The following ESYT1 variants were observed in gnomAD, a reference collection of about 807,000 sequenced individuals.
ESYT1 encodes extended synaptotagmin 1.
A neutral mutation model predicts 154.2 loss-of-function variants in ESYT1; 116 were observed. The ratio of observed to expected loss-of-function variants is 0.75; its 90% CI spans 0.65 to 0.88. The LOEUF (loss-of-function observed/expected upper bound fraction) is 0.88. Ranked by LOEUF, ESYT1 falls within the 40% of genes least tolerant of loss-of-function variation. The pLI is 0.00. For missense variants in ESYT1, 1,264 were observed against 1,379.3 expected, an observed-to-expected ratio of 0.92 and a Z score of 1.32; for synonymous variants, 500 against 539.9, an observed-to-expected ratio of 0.93 and a Z score of 1.02.
rs888119018 is a variant in ESYT1, at chr12:56,144,002, T to G, written c.*140T>G. On this transcript the variant is annotated 3_prime_UTR_variant, in exon 31 of 31. Coordinates refer to ENST00000394048, the MANE Select transcript of ESYT1 (RefSeq NM_015292.3). Reference sequence around the variant, plus strand: ...GCCCTTTCACCTAACAGGCCCATATTCGGGCCTTTGCCTGACCAAAGAGAA... The same window carrying G: ...GCCCTTTCACCTAACAGGCCCATATGCGGGCCTTTGCCTGACCAAAGAGAA... The G allele has an allele frequency of 6.5e-7, 1 of 1,545,010 alleles. No homozygotes were observed. The highest frequency in any genetic ancestry group is 8.7e-7 in the Non-Finnish European group (1 of 1,151,678).
chr12:56,130,403 ACAT>A (rs1168680949), intron 1 of ESYT1, 176 bp from the exon 2 acceptor site: 4 of 692,342 alleles, frequency 5.8e-6, no homozygotes, highest in South Asian at 4.9e-5. Flanking sequence ...TATTAGAGAG[ACAT>A]CAGCCCCCAA....
intron 22 of ESYT1, 50 bp from the exon 23 acceptor site, chr12:56,138,718 T>A: frequency 6.5e-7 from 1 of 1,544,252 alleles, no homozygotes; most frequent in Non-Finnish European, 9.0e-7. Context: ...GTGAGGGGGA[T>A]CTGCCTAACT....
At position 56,128,647 on chromosome 12, in the gene ESYT1, G is replaced by A. The variant is rs750361548; in HGVS notation, c.328G>A (p.Asp110Asn). The part of the protein sequence containing the change: ...RSLRAARQLL[D>N]DEEQLTAKTL... ...CCTTCGAGCAGCGAGGCAGCTACTG[G>A]ACGACGAGGAGCAGCTCACTGCGAA... The change falls in exon 1 of 31, where the codon GAC becomes AAC. Residue 110 changes from aspartate to asparagine, a missense_variant. Asp to Asn is a conservative substitution (Grantham distance 23, BLOSUM62 1). Coordinates refer to ENST00000394048, the MANE Select transcript of ESYT1 (RefSeq NM_015292.3). 2.5e-6 allele frequency: 4 copies of A among 1,614,210 alleles called. No homozygotes were observed. The highest frequency in any genetic ancestry group is 2.2e-5 in the East Asian group (1 of 44,888).
chr12:56,136,782 G>A lies in ESYT1; in HGVS notation c.1671G>A (p.Leu557=). 2 of 1,612,780 alleles carry A rather than the reference G, an allele frequency of 1.2e-6. No individual in the cohort carries two copies. Among genetic ancestry groups the A allele is most frequent in the South Asian group, 1.1e-5 (1 of 90,996 alleles). ...CCAGGGCCCTGACTTTAGGAGCACT[G>A]ACGCTGCCTCTGGCCCGCCTGCTGA... ...DDSRALTLGA[L]TLPLARLLTA... The change falls in exon 16 of 31, where the codon CTG becomes CTA. Residue 557 remains leucine, a synonymous_variant. Coordinates refer to ENST00000394048, the MANE Select transcript of ESYT1 (RefSeq NM_015292.3).
Position 56,143,303 on chromosome 12 carries a change from C to T in ESYT1, c.3195C>T (p.Phe1065=). Residue 1065 remains phenylalanine (F), a synonymous_variant, in exon 29 of 31, where the codon TTC becomes TTT. Transcript: ENST00000394048. The part of the protein sequence containing the change: ...LDVSVKSNSS[F]MSRERELLGK... ...TCTCTGTCAAGTCTAATTCCTCCTT[C>T]ATGTCAAGAGAGCGTGAGCTGCTGG... is the stretch of plus-strand genomic sequence containing the variant. 1 of 1,614,106 alleles carries T rather than the reference C, an allele frequency of 6.2e-7. No homozygotes were observed. The highest frequency in any genetic ancestry group is 8.5e-7 in the Non-Finnish European group (1 of 1,180,026).
chr12:56,134,958 T>G (rs1870390447), intron 15 of ESYT1, among the ~76,000 whole-genome samples: 1 of 152,112 alleles, frequency 6.6e-6, no homozygotes, highest in Non-Finnish European at 1.5e-5. Context: ...TCTATGAAAC[T>G]GGCCAGTAAG....
Position 56,133,882 on chromosome 12 carries a change from G to C in ESYT1, c.1473+9G>C, listed in dbSNP as rs1232088032. 11 of 1,613,594 alleles carry C rather than the reference G, an allele frequency of 6.8e-6. No homozygotes were observed. Among genetic ancestry groups the C allele is most frequent in the Non-Finnish European group, 9.3e-6 (11 of 1,179,736 alleles). On this transcript the variant is annotated intron_variant, in intron 13 of 30. Transcript: ENST00000394048. ...GGGCCCAGGATCTTCCTGTGAGTTT[G>C]GCTGGGTGAACAGGAGCCCTGGATG...
In ESYT1 at chr12:56,134,003, G is replaced by A; in HGVS notation, c.1474-107G>A. Reference sequence around the variant, plus strand: ...TGTAACATAAGGGTCCCAGGGAGGGGATCAGATCCATCTCAGGGAAAGGAT... The same window carrying A: ...TGTAACATAAGGGTCCCAGGGAGGGAATCAGATCCATCTCAGGGAAAGGAT... On this transcript the variant is annotated intron_variant, in intron 13 of 30. Transcript: ENST00000394048. 2.0e-6 allele frequency: 3 copies of A among 1,534,378 alleles called. No individual in the cohort carries two copies. In the South Asian group the frequency reaches 3.4e-5, roughly 17 times the overall value.
In ESYT1 at chr12:56,132,265, A is replaced by G. The variant is rs767880698; in HGVS notation, c.917A>G (p.Asn306Ser). 80 of 1,613,954 alleles carry G rather than the reference A, an allele frequency of 5.0e-5. No individual in the cohort carries two copies. The highest frequency in any genetic ancestry group is 5.8e-5 in the Non-Finnish European group (68 of 1,180,018). ...DSIAAFLVLP[N>S]RLLVPLVPDL... The stretch of plus-strand genomic sequence containing the variant: ...ATTGCTGCCTTCCTCGTGTTGCCCA[A>G]CCGATTACTGGTGCCCCTTGTGCCT... Residue 306 changes from asparagine to serine, a missense_variant, in exon 8 of 31, where the codon AAC (asparagine) becomes AGC (serine). By Grantham distance (46) the Asn-to-Ser change is conservative. Transcript: ENST00000394048.
At position 56,132,781 on chromosome 12, in the gene ESYT1, T is replaced by C. The variant is rs775822144; in HGVS notation, c.1224T>C (p.Asp408=). 1.2e-6 allele frequency: 2 copies of C among 1,614,122 alleles called. No individual in the cohort carries two copies. The highest frequency in any genetic ancestry group is 2.2e-5 in the South Asian group (2 of 91,076). ...TGGAGGTGTTCGACAAGGATCCAGA[T>C]AAAGATGACTTTCTGGGCAGGTGAG... ...IEVEVFDKDP[D]KDDFLGRMKL... The change falls in exon 10 of 31, where the codon GAT becomes GAC. Residue 408 remains aspartate (D), a synonymous_variant. Transcript: ENST00000394048.
intron 24 of ESYT1, among the ~76,000 whole-genome samples, chr12:56,139,463 A>G (rs1215759718): frequency 6.6e-6 from 1 of 151,846 alleles, no homozygotes; most frequent in African/African-American, 2.4e-5. Flanking sequence ...TTGGGAGAAA[A>G]ATAACCAGAT....
intron 1 of ESYT1, chr12:56,130,323 G>C (rs1231849897): frequency 5.3e-6 from 3 of 564,642 alleles, no homozygotes; most frequent in Admixed American, 6.0e-5. Context: ...TCTCTCAGCA[G>C]CTGTCATTTC....
intron 3 of ESYT1, 29 bp downstream of exon 3, chr12:56,130,954 G>GT: frequency 6.2e-7 from 1 of 1,614,168 alleles, no homozygotes; most frequent in Non-Finnish European, 8.5e-7. Context: ...AAGTGAGGAG[G>GT]TAGGCTAGGG....
intron 11 of ESYT1, 53 bp from the exon 12 acceptor site, chr12:56,133,535 A>G (rs1592245549): frequency 6.2e-7 from 1 of 1,613,150 alleles, no homozygotes; most frequent in East Asian, 2.2e-5. Context: ...CTACATTGGT[A>G]GGGAAGTAGT....
At chr12:56,136,469 T>G (rs1002514226) in intron 15 of ESYT1, among the ~76,000 whole-genome samples, 6 of 151,814 alleles carry the variant, frequency 4.0e-5, no homozygotes, top group African/African-American at 9.7e-5. Flanking sequence ...CATGCGCCTG[T>G]AGTCCCAGCT....
At chr12:56,137,111 A>T (rs1335809689) in intron 16 of ESYT1, 107 bp from the exon 17 acceptor site, 32 of 1,437,550 alleles carry the variant, frequency 2.2e-5, no homozygotes, top group Non-Finnish European at 2.9e-5. Context: ...CAGCCAGGGC[A>T]GCACCTAGTT....
intron 5 of ESYT1, 52 bp downstream of exon 5, chr12:56,131,368 A>G: frequency 1.2e-6 from 2 of 1,611,592 alleles, no homozygotes; most frequent in East Asian, 2.2e-5. Flanking sequence ...CCTGCGTTTC[A>G]TGGGATATGG....
chr12:56,133,756 T>A, intron 12 of ESYT1, 25 bp from the exon 13 acceptor site: 2 of 1,613,398 alleles, frequency 1.2e-6, no homozygotes, highest in Non-Finnish European at 1.7e-6. Flanking sequence ...GGGACCAAGA[T>A]CTGACTACTA....
rs142500100 is a variant in ESYT1 at position 56,144,579 on chromosome 12, G to T, written c.*717G>T. On this transcript the variant is annotated 3_prime_UTR_variant, in exon 31 of 31. Coordinates refer to ENST00000394048, the MANE Select transcript of ESYT1 (RefSeq NM_015292.3). ...ATTTTTTTGCCCAAGTGCCTAGGCT[G>T]CTAACTCACTGACTAGAACTTAATC... The T allele has an allele frequency of 6.5e-3, 6,377 of 985,458 alleles. 24 individuals are homozygous for T. The highest frequency in any genetic ancestry group is 9.9e-3 in the South Asian group (211 of 21,292). 61.0% of individuals were successfully genotyped at this position (985,458 alleles called of 1,614,324 possible).
Sources: allele counts gnomAD v4.1 joint callset (sites outside exome capture counted in the v4.1 genomes callset), GRCh38; gene constraint gnomAD v4.1.1; transcripts MANE v1.5; gene names NCBI Gene and HGNC (gene_info 2026-07-23, HGNC 2026-07-21).